YWHAE: variants seen among roughly 807,000 people sequenced by gnomAD.
YWHAE encodes tyrosine 3-monooxygenase/tryptophan 5-monooxygenase activation protein epsilon.
In YWHAE, 4 loss-of-function variants were observed where a neutral mutation model predicts 30.1. That is an observed-to-expected ratio of 0.13 (90% confidence interval 0.07 to 0.30). YWHAE has a LOEUF of 0.30. YWHAE is among the 10% of genes least tolerant of loss of function. YWHAE has a pLI of 1.00. For synonymous variants in YWHAE, 118 were observed against 111.8 expected, an observed-to-expected ratio of 1.06 and a Z score of -0.35; for missense variants, 121 against 315.9, an observed-to-expected ratio of 0.38 and a Z score of 4.68.
At chr17:1,394,542 C>T (rs1255063761) in intron 1 of YWHAE, among the ~76,000 whole-genome samples, 2 of 150,424 alleles carry the variant, frequency 1.3e-5, no homozygotes, top group African/African-American at 4.9e-5. Flanking sequence ...GGAGGTCGAG[C>T]CTGCAGTAAG....
At chr17:1,396,900 G>C (rs2150881889) in intron 1 of YWHAE, among the ~76,000 whole-genome samples, 1 of 149,754 alleles carries the variant, frequency 6.7e-6, no homozygotes, top group East Asian at 2.0e-4. Context: ...GGGATTACAG[G>C]CATGAGCCAC....
At chr17:1,370,751 C>T (rs1207082090) in intron 1 of YWHAE, among the ~76,000 whole-genome samples, 1 of 151,990 alleles carries the variant, frequency 6.6e-6, no homozygotes, top group East Asian at 2.0e-4. Flanking sequence ...AATCCCAGCA[C>T]TTTGGGAGGC....
chr17:1,368,360 G>A (rs944055050), intron 1 of YWHAE, among the ~76,000 whole-genome samples: 1 of 150,946 alleles, frequency 6.6e-6, no homozygotes, highest in Non-Finnish European at 1.5e-5. Flanking sequence ...TGGGCAACAA[G>A]AGCGAAACTC....
rs138765058 is a variant in YWHAE, at chr17:1,390,841, G to A, written c.64+9206C>T. On this transcript the variant is annotated intron_variant, in intron 1 of 5. Transcript: ENST00000264335. ...CGTCCAGCTACTATGGTAGATTGTT[G>A]GAAGGGCAATAAATTCAAGATAAAA... Among the ~76,000 whole-genome samples, 6 of 152,252 alleles carry A rather than the reference G, an allele frequency of 3.9e-5. No homozygotes were observed. The East Asian group carries it at 9.6e-4, about 24-fold the overall frequency.
At chr17:1,392,559 T>C (rs2073404136) in intron 1 of YWHAE, among the ~76,000 whole-genome samples, 1 of 152,040 alleles carries the variant, frequency 6.6e-6, no homozygotes, top group Non-Finnish European at 1.5e-5. Flanking sequence ...AAGTTGTATG[T>C]CTATATCTGG....
In YWHAE at chr17:1,345,162, G is replaced by A. The variant is rs112602907; in HGVS notation, c.*285C>T. 10 of 436,826 alleles carry A rather than the reference G, an allele frequency of 2.3e-5. No homozygotes were observed. The highest frequency in any genetic ancestry group is 8.5e-5 in the South Asian group (2 of 23,644). 27.1% of individuals were successfully genotyped at this position (436,826 alleles called of 1,614,324 possible). A position where few individuals can be genotyped will look rare whatever the true frequency, so the allele number is the denominator to read the frequency against. ...ATGGTGATCTTGCCACATCTGGCAC[G>A]GAGACGACACAGTAATGCTGAAAAA... On this transcript the variant is annotated 3_prime_UTR_variant, in exon 6 of 6. Coordinates refer to ENST00000264335, the MANE Select transcript of YWHAE (RefSeq NM_006761.5).
intron 2 of YWHAE, among the ~76,000 whole-genome samples, chr17:1,364,438 G>A (rs2072913383): frequency 6.6e-6 from 1 of 152,112 alleles, no homozygotes; most frequent in South Asian, 2.1e-4. Flanking sequence ...ATGTTAGCCA[G>A]GATGGTCTCG....
At chr17:1,375,096 A>G (rs1384946632) in intron 1 of YWHAE, among the ~76,000 whole-genome samples, 1 of 152,148 alleles carries the variant, frequency 6.6e-6, no homozygotes, top group Non-Finnish European at 1.5e-5. Context: ...TCACTCCTTC[A>G]AGAGTATGGA....
intron 5 of YWHAE, among the ~76,000 whole-genome samples, chr17:1,346,362 C>A (rs1027854429): frequency 2.0e-5 from 3 of 152,162 alleles, no homozygotes; most frequent in Non-Finnish European, 4.4e-5. Context: ...AAACCACTTA[C>A]AATTACTACA....
intron 5 of YWHAE, among the ~76,000 whole-genome samples, chr17:1,350,590 C>T (rs998796018): frequency 6.6e-6 from 1 of 151,066 alleles, no homozygotes; most frequent in South Asian, 2.1e-4. Flanking sequence ...TACAGGTGCC[C>T]GCCACCACAC....
chr17:1,386,369 C>A (rs1461945156), intron 1 of YWHAE, among the ~76,000 whole-genome samples: 1 of 152,112 alleles, frequency 6.6e-6, no homozygotes, highest in Non-Finnish European at 1.5e-5. Flanking sequence ...CACATAGGAA[C>A]AGAGTAACTC....
At chr17:1,362,075 T>TA (rs2072873201) in intron 2 of YWHAE, 67 bp from the exon 3 acceptor site, 1 of 965,778 alleles carries the variant, frequency 1.0e-6, no homozygotes, top group African/African-American at 1.7e-5. Context: ...TTACATATTC[T>TA]ATCTCTGGTT....
intron 1 of YWHAE, 107 bp downstream of exon 1, chr17:1,399,940 G>A (rs2073542130): frequency 6.4e-6 from 9 of 1,409,160 alleles, no homozygotes; most frequent in African/African-American, 4.2e-5. Context: ...CCAAGCCCCC[G>A]GGCCAGGCTC....
intron 1 of YWHAE, among the ~76,000 whole-genome samples, chr17:1,384,458 A>G (rs370450941): frequency 6.8e-4 from 102 of 150,976 alleles, no homozygotes; most frequent in South Asian, 5.3e-3. Context: ...TTGGGAGGCC[A>G]AGGCGGGCAG....
At chr17:1,387,402 T>C (rs1026079266) in intron 1 of YWHAE, among the ~76,000 whole-genome samples, 10 of 152,144 alleles carry the variant, frequency 6.6e-5, no homozygotes, top group African/African-American at 2.4e-4. Context: ...GAAAAACAGG[T>C]AGATCAAAGT....
Position 1,354,387 on chromosome 17 carries a change from C to T in YWHAE, c.579-40G>A, listed in dbSNP as rs138762780. ...ATAGAAGTGTTATAAAAATTAAGTC[C>T]AAAATCAGAATTAGAAATGACATGC... On this transcript the variant is annotated intron_variant, in intron 4 of 5. Coordinates refer to ENST00000264335, the MANE Select transcript of YWHAE (RefSeq NM_006761.5). The T allele has an allele frequency of 5.0e-5, 79 of 1,593,668 alleles. No individual in the cohort carries two copies. In the African/African-American group the frequency reaches 9.2e-4, roughly 18 times the overall value.
In YWHAE at chr17:1,374,300, G is replaced by A. The variant is rs376908432; in HGVS notation, c.65-9242C>T. 7.6e-5 allele frequency among the ~76,000 whole-genome samples: 11 copies of A among 144,784 alleles called. No homozygotes were observed. The East Asian group carries it at 2.0e-3, about 26-fold the overall frequency. The allele number at this position is 144,784 out of a possible 152,430, so 95.0% of individuals were successfully genotyped here. A position where few individuals can be genotyped will look rare whatever the true frequency, so the allele number is the denominator to read the frequency against. On this transcript the variant is annotated intron_variant, in intron 1 of 5. Transcript: ENST00000264335. ...GCCACTGAACTCCAGCCTGGCAACA[G>A]AGCGAGACTTGGTCTCAGGAAAAAA... is the stretch of plus-strand genomic sequence containing the variant.
At chr17:1,395,116 G>C (rs1289352148) in intron 1 of YWHAE, among the ~76,000 whole-genome samples, 1 of 151,530 alleles carries the variant, frequency 6.6e-6, no homozygotes, top group Non-Finnish European at 1.5e-5. Context: ...AATCAGGCCG[G>C]GTGTGGTGGC....
At chr17:1,354,140 G>GA (rs2072687929) in intron 5 of YWHAE, 71 bp downstream of exon 5, 1 of 1,544,274 alleles carries the variant, frequency 6.5e-7, no homozygotes, top group Non-Finnish European at 8.7e-7. Flanking sequence ...ACAAGCCAAG[G>GA]AATGTCTAAA....
Sources: allele counts gnomAD v4.1 joint callset (sites outside exome capture counted in the v4.1 genomes callset), GRCh38; gene constraint gnomAD v4.1.1; transcripts MANE v1.5; gene names NCBI Gene and HGNC (gene_info 2026-07-23, HGNC 2026-07-21).